PPP2CB: variants seen among roughly 807,000 people sequenced by gnomAD.
PPP2CB encodes the protein protein phosphatase 2 catalytic subunit beta.
PPP2CB carries 18 observed loss-of-function variants against 39.1 expected under a neutral mutation model. The observed-to-expected ratio is 0.46, with a 90% CI of 0.32 to 0.68. PPP2CB has a LOEUF of 0.68. Among genes scored for constraint, PPP2CB ranks in the 30% least tolerant of loss-of-function variants. The pLI is 0.04. For missense variants in PPP2CB, 226 were observed against 396.9 expected, an observed-to-expected ratio of 0.57 and a Z score of 3.66; for synonymous variants, 129 against 133.8, an observed-to-expected ratio of 0.96 and a Z score of 0.25.
Position 30,812,676 on chromosome 8 carries a change from G to A in PPP2CB, c.-255C>T, listed in dbSNP as rs954298878. 3.9e-5 allele frequency: 14 copies of A among 360,978 alleles called. No homozygotes were observed. Among genetic ancestry groups the A allele is most frequent in the Non-Finnish European group, 6.6e-5 (13 of 197,866 alleles). The allele number at this position is 360,978 out of a possible 1,614,324, so 22.4% of individuals were successfully genotyped here. ...TTCCCCGCCCGGCCGCGCGCCGCGG[G>A]AGTCGGTGAAGGACGCGGTGAGGTG... On this transcript the variant is annotated 5_prime_UTR_variant, in exon 1 of 7. Transcript: ENST00000221138.
chr8:30,810,240 C>T (rs3779649), intron 1 of PPP2CB: 10,560 of 152,358 alleles, frequency 0.069, 551 homozygotes, highest in Admixed American at 0.19. Context: ...CACTTCAGGC[C>T]AGGAGTTCTA....
intron 1 of PPP2CB, among the ~76,000 whole-genome samples, chr8:30,805,620 C>T (rs987282696): frequency 1.3e-5 from 2 of 152,044 alleles, no homozygotes; most frequent in Non-Finnish European, 2.9e-5. Context: ...CACACCGTAT[C>T]CTGCATATTA....
intron 1 of PPP2CB, among the ~76,000 whole-genome samples, chr8:30,805,044 T>TC (rs1806695481): frequency 6.6e-6 from 1 of 152,156 alleles, no homozygotes; most frequent in Admixed American, 6.5e-5. Flanking sequence ...ACATAGTGGT[T>TC]CAACTAAAAT....
intron 2 of PPP2CB, 117 bp downstream of exon 2, chr8:30,799,429 T>C (rs1206547913): frequency 3.6e-5 from 29 of 799,604 alleles, no homozygotes; most frequent in Non-Finnish European, 5.1e-5. Flanking sequence ...AAACCAATTA[T>C]TATTTTAAGG....
intron 1 of PPP2CB, among the ~76,000 whole-genome samples, chr8:30,803,785 G>GCAATTTCAA (rs1554484322): frequency 6.6e-6 from 1 of 151,528 alleles, no homozygotes; most frequent in African/African-American, 2.4e-5. Context: ...CTAACTTTTG[G>GCAATTTCAA]AGAATTTATA....
chr8:30,791,500 G>A, intron 5 of PPP2CB, 185 bp from the exon 6 acceptor site: 1 of 492,054 alleles, frequency 2.0e-6, no homozygotes, highest in Non-Finnish European at 3.5e-6. Context: ...GCAATTCGTG[G>A]GCCTAGGAGT....
intron 1 of PPP2CB, among the ~76,000 whole-genome samples, chr8:30,804,179 C>G (rs959466638): frequency 2.0e-5 from 3 of 152,230 alleles, no homozygotes; most frequent in Non-Finnish European, 4.4e-5. Flanking sequence ...AAAAATCCCT[C>G]ACATTGCACA....
chr8:30,810,902 C>T (rs1296008608), intron 1 of PPP2CB, among the ~76,000 whole-genome samples: 1 of 152,210 alleles, frequency 6.6e-6, no homozygotes, highest in African/African-American at 2.4e-5. Context: ...ATCAGACTAA[C>T]AAAATCTTTC....
intron 5 of PPP2CB, chr8:30,791,528 C>T: frequency 2.6e-6 from 1 of 384,886 alleles, no homozygotes; most frequent in Non-Finnish European, 4.6e-6. Flanking sequence ...ATGCAGCTCG[C>T]TAATTGTTGT....
intron 2 of PPP2CB, among the ~76,000 whole-genome samples, chr8:30,799,321 T>C (rs771435778): frequency 2.0e-5 from 3 of 152,174 alleles, no homozygotes; most frequent in Non-Finnish European, 2.9e-5. Context: ...AAGTCAAATA[T>C]GATTCCAAGA....
chr8:30,802,355 T>C (rs185168390), intron 1 of PPP2CB, among the ~76,000 whole-genome samples: 114 of 152,304 alleles, frequency 7.5e-4, no homozygotes, highest in African/African-American at 2.1e-3. Context: ...ACATATTTTT[T>C]GCATATGAAG....
intron 1 of PPP2CB, among the ~76,000 whole-genome samples, chr8:30,809,771 T>G (rs1249069559): frequency 6.6e-6 from 1 of 151,542 alleles, no homozygotes; most frequent in Non-Finnish European, 1.5e-5. Flanking sequence ...TGAGACCCCA[T>G]AAAAAAAATA....
At position 30,785,784 on chromosome 8, in the gene PPP2CB, CTTCAG is replaced by C. The variant is rs955892783; in HGVS notation, c.*446_*450del. 23 of 295,426 alleles carry C rather than the reference CTTCAG, an allele frequency of 7.8e-5. No individual in the cohort carries two copies. Among genetic ancestry groups the C allele is most frequent in the Non-Finnish European group, 1.2e-4 (18 of 150,200 alleles). 18.3% of individuals were successfully genotyped at this position (295,426 alleles called of 1,614,324 possible). ...AACATACTCCCAAGAAGAACCTTTT[CTTCAG>C]TTAAGTTAATTATACATTTCAATAA... is the stretch of plus-strand genomic sequence containing the variant. On this transcript the variant is annotated 3_prime_UTR_variant, in exon 7 of 7. Coordinates refer to ENST00000221138, the MANE Select transcript of PPP2CB (RefSeq NM_001009552.2).
Position 30,797,754 on chromosome 8 carries a change from C to T in PPP2CB, c.313G>A (p.Val105Met). 6.2e-7 allele frequency: 1 copy of T among 1,611,934 alleles called. No homozygotes were observed. Among genetic ancestry groups the T allele is most frequent in the Non-Finnish European group, 8.5e-7 (1 of 1,179,318 alleles). ...ATTGTAATGCGTTCTGGATAACGCA[C>T]CTGGAAGAAAAGGAGTAAAACCCAT... ...ETVTLLVALKVRYPERITILR... is the reference protein window; with the variant it reads ...ETVTLLVALKMRYPERITILR... The change falls in exon 3 of 7, where the codon GTG (valine) becomes ATG (methionine). Residue 105 changes from valine to methionine, a missense_variant and splice_region_variant. Coordinates refer to ENST00000221138, the MANE Select transcript of PPP2CB (RefSeq NM_001009552.2).
At chr8:30,789,379 C>A (rs1297186290) in intron 6 of PPP2CB, among the ~76,000 whole-genome samples, 1 of 152,182 alleles carries the variant, frequency 6.6e-6, no homozygotes, top group East Asian at 1.9e-4. Flanking sequence ...GGGGCTGTCT[C>A]TGGGTAGGCA....
chr8:30,802,161 T>A (rs1806637374), intron 1 of PPP2CB, among the ~76,000 whole-genome samples: 2 of 152,202 alleles, frequency 1.3e-5, no homozygotes, highest in Admixed American at 1.3e-4. Context: ...TAGAATGAGA[T>A]TATATGCAAT....
chr8:30,810,795 C>T (rs991917955), intron 1 of PPP2CB, among the ~76,000 whole-genome samples: 10 of 152,064 alleles, frequency 6.6e-5, no homozygotes, highest in African/African-American at 2.4e-4. Context: ...CACAAAGGCC[C>T]CGACCAACAT....
intron 3 of PPP2CB, 192 bp from the exon 4 acceptor site, chr8:30,794,473 C>A: frequency 2.5e-6 from 1 of 396,846 alleles, no homozygotes; most frequent in African/African-American, 2.2e-5. Context: ...CATTAAATTT[C>A]TTTTTTTTTT....
At chr8:30,801,690 G>A (rs1338239063) in intron 1 of PPP2CB, among the ~76,000 whole-genome samples, 3 of 152,164 alleles carry the variant, frequency 2.0e-5, no homozygotes, top group Non-Finnish European at 4.4e-5. Context: ...TGGATTTTGA[G>A]TTTCACTGTA....
Sources: allele counts gnomAD v4.1 joint callset (sites outside exome capture counted in the v4.1 genomes callset), GRCh38; gene constraint gnomAD v4.1.1; transcripts MANE v1.5; gene names NCBI Gene and HGNC (gene_info 2026-07-23, HGNC 2026-07-21).